The following DKKL1 variants were observed in gnomAD, a reference collection of about 807,000 sequenced individuals.
DKKL1 encodes dickkopf-like protein 1.
Under a neutral mutation model 16.5 loss-of-function variants are expected in DKKL1, and 11 were observed. The observed-to-expected ratio is 0.67, with a 90% CI of 0.42 to 1.10. The LOEUF is 1.10. DKKL1 is among the 50% of genes least tolerant of loss of function. DKKL1 has a pLI of 0.00. For synonymous variants in DKKL1, 119 were observed against 133.2 expected, an observed-to-expected ratio of 0.89 and a Z score of 0.73; for missense variants, 320 against 308.1, an observed-to-expected ratio of 1.04 and a Z score of -0.29.
At chr19:49,371,187 T>A (rs1973468317) in intron 4 of DKKL1, 1 of 152,236 alleles carries the variant, frequency 6.6e-6, no homozygotes, top group African/African-American at 2.4e-5. Flanking sequence ...TCAAGGAGGA[T>A]GAGGATGCTG....
chr19:49,363,988 A>G lies in DKKL1; in HGVS notation c.-11A>G. On this transcript the variant is annotated 5_prime_UTR_variant, in exon 1 of 5. Coordinates refer to ENST00000221498, the MANE Select transcript of DKKL1 (RefSeq NM_014419.4). ...TAGCATAAAGGCGGAGCCCAGAAGA[A>G]GGGGCGGGGTATGGGAGAAGGTGAG... 1 of 1,613,276 alleles carries G rather than the reference A, an allele frequency of 6.2e-7. No individual in the cohort carries two copies. Among genetic ancestry groups the G allele is most frequent in the Non-Finnish European group, 8.5e-7 (1 of 1,179,608 alleles).
chr19:49,368,274 C>T lies in DKKL1; in HGVS notation c.417+2389C>T, dbSNP rs1027834289. Among the ~76,000 whole-genome samples the T allele has an allele frequency of 2.6e-5, 4 of 151,068 alleles. No individual in the cohort carries two copies. In the East Asian group the frequency reaches 7.8e-4, roughly 29 times the overall value. ...GTTGCAGTGAGCCAAGATCATGTCACTGCACTCCAGCCTGGGGGACAGAGT... is the reference window on the plus strand; with the variant it reads ...GTTGCAGTGAGCCAAGATCATGTCATTGCACTCCAGCCTGGGGGACAGAGT... On this transcript the variant is annotated intron_variant, in intron 4 of 4. Coordinates refer to ENST00000221498, the MANE Select transcript of DKKL1 (RefSeq NM_014419.4).
At chr19:49,363,712 T>A, upstream of DKKL1, 2 of 500,702 alleles carry the variant, frequency 4.0e-6, no homozygotes, top group South Asian at 2.0e-5. Flanking sequence ...CTCACGGCTC[T>A]GGCTTAAGGG....
chr19:49,360,953 A>G (rs1386100323), upstream of DKKL1, among the ~76,000 whole-genome samples: 3 of 111,152 alleles, frequency 2.7e-5, no homozygotes, highest in African/African-American at 1.1e-4. Context: ...GGGGACAGAG[A>G]CCAGTGACGG....
At chr19:49,362,059 G>A (rs1421180496), upstream of DKKL1, among the ~76,000 whole-genome samples, 1 of 152,116 alleles carries the variant, frequency 6.6e-6, no homozygotes, top group Non-Finnish European at 1.5e-5. Context: ...ATTACACAAG[G>A]GGTCCTTCTC....
At chr19:49,362,365 C>T (rs1377073535), upstream of DKKL1, 1 of 152,256 alleles carries the variant, frequency 6.6e-6, no homozygotes, top group East Asian at 1.9e-4. Flanking sequence ...CCGCCGGCGC[C>T]TTCCTACCTC....
intron 1 of DKKL1, 86 bp from the exon 2 acceptor site, chr19:49,364,496 G>A: frequency 3.3e-6 from 4 of 1,230,756 alleles, no homozygotes; most frequent in Non-Finnish European, 4.5e-6. Flanking sequence ...GAACTGGGGA[G>A]GCGACCTGGG....
In DKKL1 at chr19:49,364,766, C is replaced by T. The variant is rs372918287; in HGVS notation, c.183+12C>T. 5.6e-6 allele frequency: 9 copies of T among 1,609,396 alleles called. No homozygotes were observed. The highest frequency in any genetic ancestry group is 1.7e-5 in the Admixed American group (1 of 59,436). On this transcript the variant is annotated intron_variant, in intron 2 of 4. Transcript: ENST00000221498. Reference sequence around the variant, plus strand: ...GACTTTTCCTGAAAGTAAGCGATGGCGGGGGGATGGGGGAAGAAGTACTGA... The same window carrying T: ...GACTTTTCCTGAAAGTAAGCGATGGTGGGGGGATGGGGGAAGAAGTACTGA...
intron 4 of DKKL1, among the ~76,000 whole-genome samples, chr19:49,367,035 T>A (rs935238973): frequency 2.0e-5 from 3 of 150,618 alleles, no homozygotes; most frequent in African/African-American, 7.3e-5. Context: ...CTTCTTTTTT[T>A]GTTTTTTTTG....
At chr19:49,366,191 A>G (rs111814667) in intron 4 of DKKL1, among the ~76,000 whole-genome samples, 6 of 152,272 alleles carry the variant, frequency 3.9e-5, no homozygotes, top group African/African-American at 1.4e-4. Context: ...TTGGCCTTCC[A>G]AAGTGCTGGG....
chr19:49,366,542 C>T (rs1973256552), intron 4 of DKKL1, among the ~76,000 whole-genome samples: 1 of 152,020 alleles, frequency 6.6e-6, no homozygotes, highest in Non-Finnish European at 1.5e-5. Flanking sequence ...GAAAGCTTCA[C>T]CCTCATAAAC....
At chr19:49,366,883 T>G (rs1025130502) in intron 4 of DKKL1, among the ~76,000 whole-genome samples, 3 of 151,988 alleles carry the variant, frequency 2.0e-5, no homozygotes, top group Non-Finnish European at 2.9e-5. Flanking sequence ...AATTTTTCTA[T>G]TTTTAGTAGA....
intron 4 of DKKL1, among the ~76,000 whole-genome samples, chr19:49,373,626 C>T (rs931398228): frequency 2.7e-4 from 41 of 151,884 alleles, no homozygotes; most frequent in Admixed American, 9.8e-4. Context: ...CGCGCCAGCA[C>T]GCCCAGCTAA....
At chr19:49,362,712 G>C (rs1973042246), upstream of DKKL1, among the ~76,000 whole-genome samples, 1 of 151,604 alleles carries the variant, frequency 6.6e-6, no homozygotes, top group Non-Finnish European at 1.5e-5. Flanking sequence ...TGGGTCTGGG[G>C]GCTGGGACTC....
At chr19:49,373,433 T>C (rs1397302468) in intron 4 of DKKL1, among the ~76,000 whole-genome samples, 1 of 152,166 alleles carries the variant, frequency 6.6e-6, no homozygotes, top group Non-Finnish European at 1.5e-5. Context: ...AGGTTAGAAT[T>C]TCAAAATATG....
chr19:49,363,721 G>A, upstream of DKKL1: 2 of 534,002 alleles, frequency 3.7e-6, no homozygotes, highest in East Asian at 3.3e-5. Flanking sequence ...CTGGCTTAAG[G>A]GGTGTGGTGA....
chr19:49,373,183 A>G (rs1189952802), intron 4 of DKKL1, among the ~76,000 whole-genome samples: 2 of 151,530 alleles, frequency 1.3e-5, no homozygotes, highest in East Asian at 2.0e-4. Flanking sequence ...TGCCCCTGTA[A>G]TCCCAGCTAC....
At position 49,364,696 on chromosome 19, in the gene DKKL1, CCT is replaced by C. The variant is rs774693540; in HGVS notation, c.126_127del (p.Leu43GlyfsTer20). On this transcript the variant is annotated frameshift_variant, in exon 2 of 5. Transcript: ENST00000221498. LOFTEE classifies it high-confidence loss of function. ...CATGATGCTGACGCCCAAGAGAGCT[CCT>C]TGGGTCTCACAGGCCTCCAGAGCCT... 43 of 1,614,066 alleles carry C rather than the reference CCT, an allele frequency of 2.7e-5. No homozygotes were observed. The highest frequency in any genetic ancestry group is 3.5e-5 in the Non-Finnish European group (41 of 1,180,036).
rs575714787 is a variant in DKKL1, at chr19:49,364,493, G to T, written c.11-89G>T. ...GCGGTGTGGGAGTTGCCTGAACTGG[G>T]GAGGCGACCTGGGCAAGGTGCTGGA... On this transcript the variant is annotated intron_variant, in intron 1 of 4. Coordinates refer to ENST00000221498, the MANE Select transcript of DKKL1 (RefSeq NM_014419.4). 1.4e-3 allele frequency: 1,687 copies of T among 1,172,656 alleles called. 5 individuals carry two copies. Among genetic ancestry groups the T allele is most frequent in the Non-Finnish European group, 1.9e-3 (1,577 of 838,148 alleles). The allele number at this position is 1,172,656 out of a possible 1,614,324, so 72.6% of individuals were successfully genotyped here. A position where few individuals can be genotyped will look rare whatever the true frequency, so the allele number is the denominator to read the frequency against.
Sources: allele counts gnomAD v4.1 joint callset (sites outside exome capture counted in the v4.1 genomes callset), GRCh38; gene constraint gnomAD v4.1.1; transcripts MANE v1.5; gene names NCBI Gene and HGNC (gene_info 2026-07-23, HGNC 2026-07-21).